DZIP3: variants seen among roughly 807,000 people sequenced by gnomAD.
DZIP3 encodes DAZ interacting zinc finger protein 3.
Under a neutral mutation model 162.0 loss-of-function variants are expected in DZIP3, and 118 were observed. The ratio of observed to expected loss-of-function variants is 0.73; its 90% confidence interval spans 0.63 to 0.85. DZIP3 has a LOEUF of 0.85. Ranked by LOEUF, DZIP3 falls within the 40% of genes least tolerant of loss-of-function variation. The pLI, the probability that DZIP3 is intolerant of heterozygous loss-of-function variation, is 0.00. For missense variants in DZIP3, 1,331 were observed against 1,407.0 expected (o/e 0.95, Z 0.86); for synonymous variants, 438 against 458.6 (o/e 0.96, Z 0.57).
chr3:108,656,511 G>T (rs1943128348), intron 19 of DZIP3, among the ~76,000 whole-genome samples: 1 of 152,038 alleles, frequency 6.6e-6, no homozygotes, highest in South Asian at 2.1e-4. Flanking sequence ...CATCATCAAA[G>T]ACCAAAGGCA....
At position 108,677,477 on chromosome 3, in the gene DZIP3, T is replaced by G. The variant is rs2107378204; in HGVS notation, c.2782-20T>G. On this transcript the variant is annotated intron_variant, in intron 25 of 32. Coordinates refer to ENST00000361582, the MANE Select transcript of DZIP3 (RefSeq NM_014648.4). ...TAAAGTTGGTTGTTCTCTAAAGTATTTTTAGTCTTCTTCTACCAGACACAG... is the reference window on the plus strand; with the variant it reads ...TAAAGTTGGTTGTTCTCTAAAGTATGTTTAGTCTTCTTCTACCAGACACAG... 1 of 1,606,424 alleles carries G rather than the reference T, an allele frequency of 6.2e-7. No individual in the cohort carries two copies. Among genetic ancestry groups the G allele is most frequent in the East Asian group, 2.2e-5 (1 of 44,770 alleles).
intron 12 of DZIP3, among the ~76,000 whole-genome samples, chr3:108,640,488 C>G (rs1298440986): frequency 1.3e-5 from 2 of 150,584 alleles, no homozygotes; most frequent in Non-Finnish European, 3.0e-5. Flanking sequence ...CCCTGTCACC[C>G]AGGTTGGAGT....
At position 108,625,926 on chromosome 3, in the gene DZIP3, T is replaced by TCACA. The variant is rs1941571389; in HGVS notation, c.538_539insCACA (p.Leu180SerfsTer18). On this transcript the variant is annotated frameshift_variant, in exon 7 of 33. Transcript: ENST00000361582. LOFTEE classifies it high-confidence loss of function. The stretch of plus-strand genomic sequence containing the variant: ...TGAAATTTGTGAAAACTTTATGTCT[T>TCACA]TAGTTTATTTTGGACGTGGTTTACT... 5 of 1,613,366 alleles carry TCACA rather than the reference T, an allele frequency of 3.1e-6. No homozygotes were observed. The highest frequency in any genetic ancestry group is 3.4e-6 in the Non-Finnish European group (4 of 1,179,798).
chr3:108,651,427 T>A (rs532549319), intron 18 of DZIP3, among the ~76,000 whole-genome samples: 1 of 151,834 alleles, frequency 6.6e-6, no homozygotes, highest in African/African-American at 2.4e-5. Context: ...CATTTTAAAA[T>A]ATAGTCTACA....
Position 108,662,201 on chromosome 3 carries a change from C to G in DZIP3, c.2367C>G (p.Asp789Glu). 1 of 1,609,772 alleles carries G rather than the reference C, an allele frequency of 6.2e-7. No individual in the cohort carries two copies. Among genetic ancestry groups the G allele is most frequent in the Non-Finnish European group, 8.5e-7 (1 of 1,178,922 alleles). The change falls in exon 21 of 33, where the codon GAC (aspartate) becomes GAG (glutamate). Residue 789 changes from aspartate to glutamate, a missense_variant. This residue lies in a region of DZIP3 where 1,278 missense variants were observed against 1,317.1 expected (regional missense o/e 0.97). Coordinates refer to ENST00000361582, the MANE Select transcript of DZIP3 (RefSeq NM_014648.4). ...ACCAAATGCAGATTAAAAAGAAAGA[C>G]AAAATTATCGCATCTCTTAATCAAC... ...QENQMQIKKK[D>E]KIIASLNQQV...
chr3:108,636,654 A>T lies in DZIP3; in HGVS notation c.957A>T (p.Thr319=), dbSNP rs776677324. 1.9e-6 allele frequency: 3 copies of T among 1,583,592 alleles called. No homozygotes were observed. The South Asian group carries it at 3.6e-5, about 19-fold the overall frequency. ...AAAAATGTTTGAAGGAAGGATGTAC[A>T]GGTGACATGGTAAGGATGCTGCAAT... ...SGKKCLKEGC[T]GDMVRMLQCD... Residue 319 remains threonine (T), a synonymous_variant, in exon 11 of 33, where the codon ACA becomes ACT. Coordinates refer to ENST00000361582, the MANE Select transcript of DZIP3 (RefSeq NM_014648.4).
chr3:108,634,843 T>C (rs749634317), intron 9 of DZIP3, 28 bp from the exon 10 acceptor site: 4 of 1,475,010 alleles, frequency 2.7e-6, no homozygotes, highest in African/African-American at 2.8e-5. Context: ...CATGTCCTTA[T>C]TGATAACTTA....
At position 108,648,945 on chromosome 3, in the gene DZIP3, A is replaced by G; in HGVS notation, c.1990A>G (p.Lys664Glu). ...EVKSKQRKKK[K>E]TKNKKNKDSK... ...TAAGAGTAAACAAAGGAAAAAGAAG[A>G]AGACTAAGAATAAAAAGGTAAGAGA... The change falls in exon 17 of 33, where the codon AAG (lysine) becomes GAG (glutamate). Residue 664 changes from lysine (K) to glutamate (E), a missense_variant. Lys to Glu is a moderately conservative substitution (Grantham distance 56). Coordinates refer to ENST00000361582, the MANE Select transcript of DZIP3 (RefSeq NM_014648.4). The G allele has an allele frequency of 8.6e-7, 1 of 1,165,232 alleles. No individual in the cohort carries two copies. The highest frequency in any genetic ancestry group is 1.4e-5 in the South Asian group (1 of 69,122). 72.2% of individuals were successfully genotyped at this position (1,165,232 alleles called of 1,614,324 possible).
intron 31 of DZIP3, among the ~76,000 whole-genome samples, chr3:108,689,744 A>G (rs1944623793): frequency 6.6e-6 from 1 of 152,180 alleles, no homozygotes; most frequent in South Asian, 2.1e-4. Context: ...CTTGGCATTT[A>G]TATAGATTAA....
intron 7 of DZIP3, 38 bp from the exon 8 acceptor site, chr3:108,629,024 T>C (rs1941709427): frequency 2.3e-6 from 3 of 1,329,924 alleles, no homozygotes; most frequent in African/African-American, 3.0e-5. Flanking sequence ...ATCTACACAG[T>C]CCCGTTCAAA....
At chr3:108,636,533 C>T in intron 10 of DZIP3, 83 bp from the exon 11 acceptor site, 1 of 918,354 alleles carries the variant, frequency 1.1e-6, no homozygotes, top group Non-Finnish European at 1.6e-6. Flanking sequence ...ACATTTGCTT[C>T]TAACTACATT....
At chr3:108,640,182 A>T (rs904070692) in intron 12 of DZIP3, among the ~76,000 whole-genome samples, 1 of 152,102 alleles carries the variant, frequency 6.6e-6, no homozygotes, top group Non-Finnish European at 1.5e-5. Flanking sequence ...TTTGTAAATA[A>T]TGTGTCTTCT....
At chr3:108,605,288 AAG>A (rs1940276393) in intron 1 of DZIP3, 45 bp from the exon 2 acceptor site, 3 of 1,310,382 alleles carry the variant, frequency 2.3e-6, no homozygotes, top group Admixed American at 2.1e-5. Context: ...AGTGGGGAGA[AAG>A]AGTGTAACTT....
Position 108,687,987 on chromosome 3 carries a change from C to G in DZIP3, c.3161C>G (p.Thr1054Arg), listed in dbSNP as rs770292878. 6 of 1,613,556 alleles carry G rather than the reference C, an allele frequency of 3.7e-6. 1 individual carries two copies. In the South Asian group the frequency reaches 5.5e-5, roughly 15 times the overall value. Residue 1054 changes from threonine (T) to arginine (R), a missense_variant, in exon 29 of 33, where the codon ACA becomes AGA. Around this residue, in one of 2 missense-constraint regions of DZIP3, gnomAD observed 1,278 missense variants for 1,317.1 expected, o/e 0.97. Coordinates refer to ENST00000361582, the MANE Select transcript of DZIP3 (RefSeq NM_014648.4). ...AFPQQTRKEL[T>R]DFLRKLKDAY... ...TTGATCTCTTGCAGAAAGGAACTTA[C>G]AGATTTCTTACGGAAATTGAAGGAT...
At chr3:108,593,132 C>T (rs1285403500) in intron 1 of DZIP3, among the ~76,000 whole-genome samples, 17 of 152,150 alleles carry the variant, frequency 1.1e-4, no homozygotes, top group Admixed American at 3.9e-4. Context: ...TTATTTTTCA[C>T]TTTAAAATTA....
chr3:108,647,722 A>G (rs939585716), intron 15 of DZIP3, among the ~76,000 whole-genome samples: 3 of 152,218 alleles, frequency 2.0e-5, no homozygotes, highest in Non-Finnish European at 2.9e-5. Flanking sequence ...AGTAGGTAAC[A>G]TAGCACTCAG....
chr3:108,656,992 C>T (rs1943157403), intron 19 of DZIP3, among the ~76,000 whole-genome samples: 1 of 152,092 alleles, frequency 6.6e-6, no homozygotes. Flanking sequence ...TGTGAAAAGA[C>T]CAAATCTACG....
intron 6 of DZIP3, 84 bp from the exon 7 acceptor site, chr3:108,625,761 C>A: frequency 7.4e-7 from 1 of 1,358,958 alleles, no homozygotes. Context: ...GCCCTAATTT[C>A]TCCAGTTTGA....
At chr3:108,653,898 A>G (rs556809163) in intron 18 of DZIP3, among the ~76,000 whole-genome samples, 2 of 152,234 alleles carry the variant, frequency 1.3e-5, no homozygotes, top group Non-Finnish European at 2.9e-5. Context: ...ATAATTCTTG[A>G]AAACAGTGGC....
Sources: allele counts gnomAD v4.1 joint callset (sites outside exome capture counted in the v4.1 genomes callset), GRCh38; gene constraint gnomAD v4.1.1; regional missense constraint gnomAD v4.1.1; transcripts MANE v1.5; gene names NCBI Gene and HGNC (gene_info 2026-07-23, HGNC 2026-07-21).